Variants in TYRO3 observed in about 807,000 individuals in gnomAD.
TYRO3 encodes the protein TYRO3 protein tyrosine kinase, also known as tyrosine-protein kinase receptor TYRO3.
Under a neutral mutation model 95.2 loss-of-function variants are expected in TYRO3, and 38 were observed. That is an observed-to-expected ratio of 0.40 (90% CI 0.31 to 0.52). TYRO3 has a LOEUF of 0.52. Among genes scored for constraint, TYRO3 ranks in the 20% least tolerant of loss-of-function variants. TYRO3 has a pLI of 0.56. For missense variants in TYRO3, 812 were observed against 1,116.4 expected (o/e 0.73, Z 3.89); for synonymous variants, 367 against 432.9 (o/e 0.85, Z 1.89).
At position 41,561,281 on chromosome 15, in the gene TYRO3, C is replaced by T. The variant is rs934076936; in HGVS notation, c.279C>T (p.Val93=). The change falls in exon 2 of 19, where the codon GTC becomes GTT. Residue 93 remains valine, a synonymous_variant. Coordinates refer to ENST00000263798, the MANE Select transcript of TYRO3 (RefSeq NM_006293.4). ...VQNLDQLYIP[V]SEQHWIGFLS... Reference sequence around the variant, plus strand: ...ACTTGGACCAGTTGTACATCCCAGTCAGCGAGCAGCACTGGATCGGCTTCC... The same window carrying T: ...ACTTGGACCAGTTGTACATCCCAGTTAGCGAGCAGCACTGGATCGGCTTCC... 2 of 1,613,846 alleles carry T rather than the reference C, an allele frequency of 1.2e-6. No homozygotes were observed. The highest frequency in any genetic ancestry group is 1.7e-6 in the Non-Finnish European group (2 of 1,179,816).
In TYRO3 at chr15:41,577,809, C is replaced by T. The variant is rs901643946; in HGVS notation, c.2283-77C>T. 2.7e-6 allele frequency: 4 copies of T among 1,484,044 alleles called. No individual in the cohort carries two copies. The African/African-American group carries it at 5.6e-5, about 21-fold the overall frequency. The allele number at this position is 1,484,044 out of a possible 1,614,324, so 91.9% of individuals were successfully genotyped here. ...CCAGGGAATAAAATTTTTTAAAACC[C>T]TAGTGCCATATGATGAAGGGGCCCC... On this transcript the variant is annotated intron_variant, in intron 18 of 18. Coordinates refer to ENST00000263798, the MANE Select transcript of TYRO3 (RefSeq NM_006293.4).
In TYRO3 at chr15:41,568,821, C is replaced by G. The variant is rs2055757731; in HGVS notation, c.1108-57C>G. 16 of 1,578,878 alleles carry G rather than the reference C, an allele frequency of 1.0e-5. No individual in the cohort carries two copies. In the South Asian group the frequency reaches 1.8e-4, roughly 18 times the overall value. ...TGGACCTTTTTCTGTCCTCAGGCCC[C>G]AGCTGGAGGCCTTCTCCCCAGGCTC... On this transcript the variant is annotated intron_variant, in intron 8 of 18. Transcript: ENST00000263798.
Position 41,580,325 on chromosome 15 carries a change from A to G in TYRO3, c.*2049A>G, listed in dbSNP as rs2055909022. 1 of 152,002 alleles carries G rather than the reference A, an allele frequency of 6.6e-6. No homozygotes were observed. Among genetic ancestry groups the G allele is most frequent in the African/African-American group, 2.4e-5 (1 of 41,376 alleles). The allele number at this position is 152,002 out of a possible 1,614,324, so 9.4% of individuals were successfully genotyped here. On this transcript the variant is annotated 3_prime_UTR_variant, in exon 19 of 19. Coordinates refer to ENST00000263798, the MANE Select transcript of TYRO3 (RefSeq NM_006293.4). ...GAAGTTCAAGACTAGTCTGACCAAC[A>G]TGGTGACACCCCGTCTTTACTAAAA... is the stretch of plus-strand genomic sequence containing the variant.
At chr15:41,560,426 TGTGCGCGCGCGCGCGC>T (rs925093152) in intron 1 of TYRO3, among the ~76,000 whole-genome samples, 1 of 134,370 alleles carries the variant, frequency 7.4e-6, no homozygotes, top group East Asian at 2.0e-4. Context: ...TGTGTGTGTG[TGTGCGCGCGCGCGCGC>T]GCGCTCGCAC....
At chr15:41,576,908 T>C (rs1401277581) in intron 18 of TYRO3, among the ~76,000 whole-genome samples, 1 of 151,696 alleles carries the variant, frequency 6.6e-6, no homozygotes, top group East Asian at 1.9e-4. Context: ...AAAGGATCTT[T>C]TAGCCTCAGC....
chr15:41,563,672 GA>G (rs1224085434), intron 4 of TYRO3, among the ~76,000 whole-genome samples: 4 of 152,184 alleles, frequency 2.6e-5, no homozygotes, highest in African/African-American at 9.7e-5. Context: ...CACCACAGGG[GA>G]CAGAGGGAAT....
chr15:41,566,001 T>C (rs2055718815), intron 6 of TYRO3, among the ~76,000 whole-genome samples: 3 of 152,170 alleles, frequency 2.0e-5, no homozygotes, highest in Admixed American at 2.0e-4. Context: ...GCCCCTGCTC[T>C]GGGCTCCACC....
In TYRO3 at chr15:41,567,464, C is replaced by T; in HGVS notation, c.888C>T (p.Leu296=). Reference sequence around the variant, plus strand: ...TGGTGCCTGCCACCAACTACAGCCTCAGGGTGCGCTGTGCCAATGCCTTGG... The same window carrying T: ...TGGTGCCTGCCACCAACTACAGCCTTAGGGTGCGCTGTGCCAATGCCTTGG... ...RDLVPATNYS[L]RVRCANALGP... Residue 296 remains leucine, a synonymous_variant, in exon 7 of 19, where the codon CTC becomes CTT. Transcript: ENST00000263798. The T allele has an allele frequency of 6.2e-7, 1 of 1,609,272 alleles. No individual in the cohort carries two copies. Among genetic ancestry groups the T allele is most frequent in the Non-Finnish European group, 8.5e-7 (1 of 1,178,224 alleles).
chr15:41,563,175 T>C (rs2140819435), intron 4 of TYRO3, among the ~76,000 whole-genome samples: 2 of 152,104 alleles, frequency 1.3e-5, no homozygotes, highest in South Asian at 4.2e-4. Context: ...AGCACAAAGA[T>C]ACAGGGCCTC....
In TYRO3 at chr15:41,578,589, A is replaced by C. The variant is rs2055890119; in HGVS notation, c.*313A>C. The C allele has an allele frequency of 2.3e-6, 1 of 437,770 alleles. No homozygotes were observed. 27.1% of individuals were successfully genotyped at this position (437,770 alleles called of 1,614,324 possible). A position where few individuals can be genotyped will look rare whatever the true frequency, so the allele number is the denominator to read the frequency against. On this transcript the variant is annotated 3_prime_UTR_variant, in exon 19 of 19. Transcript: ENST00000263798. ...CATGGTTACCATGGGTGTGGATGGC[A>C]GTGTGGGGAGGGCAGGTCCAGCTCT...
intron 1 of TYRO3, 84 bp from the exon 2 acceptor site, chr15:41,561,043 A>C: frequency 7.2e-7 from 1 of 1,396,524 alleles, no homozygotes; most frequent in Non-Finnish European, 9.9e-7. Context: ...CTGACACAGA[A>C]GCTACCTTCT....
intron 9 of TYRO3, among the ~76,000 whole-genome samples, chr15:41,569,719 A>G (rs896040586): frequency 1.3e-5 from 2 of 152,224 alleles, no homozygotes; most frequent in Admixed American, 6.5e-5. Flanking sequence ...GTGAGCTGCA[A>G]CTGTGCCCCT....
intron 4 of TYRO3, among the ~76,000 whole-genome samples, chr15:41,563,493 A>G (rs2055682766): frequency 6.6e-6 from 1 of 152,176 alleles, no homozygotes; most frequent in African/African-American, 2.4e-5. Flanking sequence ...GTGGACTATG[A>G]GACCTCTTGG....
chr15:41,568,633 AGCTCAGTTC>A (rs1312530769), intron 8 of TYRO3, among the ~76,000 whole-genome samples: 1 of 152,074 alleles, frequency 6.6e-6, no homozygotes. Context: ...CTTTGTCCCC[AGCTCAGTTC>A]GCTCCCATCC....
rs1243377989 is a variant in TYRO3, at chr15:41,581,218, T to C, written c.*2942T>C. ...CAAAACAAAACAACAAAAAAGCTTTTAGAGCAAGTTCATGGGAGATGCAGC... is the reference window on the plus strand; with the variant it reads ...CAAAACAAAACAACAAAAAAGCTTTCAGAGCAAGTTCATGGGAGATGCAGC... On this transcript the variant is annotated 3_prime_UTR_variant, in exon 19 of 19. Coordinates refer to ENST00000263798, the MANE Select transcript of TYRO3 (RefSeq NM_006293.4). The C allele has an allele frequency of 1.3e-5, 2 of 153,504 alleles. No homozygotes were observed. Among genetic ancestry groups the C allele is most frequent in the African/African-American group, 2.4e-5 (1 of 41,360 alleles). 9.5% of individuals were successfully genotyped at this position (153,504 alleles called of 1,614,324 possible).
chr15:41,576,199 T>G (rs1361484241), intron 18 of TYRO3, among the ~76,000 whole-genome samples: 1 of 152,098 alleles, frequency 6.6e-6, no homozygotes, highest in Non-Finnish European at 1.5e-5. Flanking sequence ...GTGAGGACTT[T>G]TTCTTTTTTT....
intron 6 of TYRO3, 25 bp downstream of exon 6, chr15:41,565,166 C>A (rs1247688451): frequency 2.1e-6 from 3 of 1,444,496 alleles, no homozygotes; most frequent in Non-Finnish European, 2.9e-6. Flanking sequence ...CCGGGCCATG[C>A]TCGTTCTGGC....
intron 12 of TYRO3, 114 bp downstream of exon 12, chr15:41,570,813 G>A (rs573139680): frequency 2.9e-6 from 3 of 1,037,234 alleles, no homozygotes; most frequent in South Asian, 2.7e-5. Context: ...AACAAGATAT[G>A]CTTGTAGACT....
At chr15:41,570,538 T>A (rs1459939791) in intron 11 of TYRO3, 66 bp from the exon 12 acceptor site, 19 of 1,404,068 alleles carry the variant, frequency 1.4e-5, no homozygotes, top group Non-Finnish European at 1.7e-5. Flanking sequence ...GAGTCTGGGG[T>A]ATAAGAGGCT....
Sources: gnomAD v4.1 joint callset for allele counts (sites outside exome capture counted in the v4.1 genomes callset) on GRCh38, gnomAD v4.1.1 for gene constraint, MANE v1.5 for transcripts, NCBI Gene and HGNC (gene_info 2026-07-23, HGNC 2026-07-21) for gene names.